The following COMMD1 variants were observed in gnomAD, a reference collection of about 807,000 sequenced individuals.
COMMD1 encodes the protein copper metabolism domain containing 1.
A neutral mutation model predicts 17.2 loss-of-function variants in COMMD1; 10 were observed. The observed-to-expected ratio is 0.58, with a 90% confidence interval of 0.36 to 0.99. COMMD1 has a LOEUF of 0.99. COMMD1 is among the 50% of genes least tolerant of loss of function. The pLI is 0.01. For synonymous variants in COMMD1, 97 were observed against 91.6 expected (o/e 1.06, Z -0.34); for missense variants, 270 against 231.8 (o/e 1.17, Z -1.07).
intron 1 of COMMD1, among the ~76,000 whole-genome samples, chr2:61,924,057 G>A (rs1670261374): frequency 6.6e-6 from 1 of 152,176 alleles, no homozygotes; most frequent in Non-Finnish European, 1.5e-5. Context: ...GATTACAGGT[G>A]TGAGCCACAA....
chr2:62,099,065 T>G (rs11695902), intron 2 of COMMD1, among the ~76,000 whole-genome samples: 1 of 151,942 alleles, frequency 6.6e-6, no homozygotes, highest in African/African-American at 2.4e-5. Context: ...ACTCTATTAT[T>G]TTATCCAGCT....
intron 2 of COMMD1, among the ~76,000 whole-genome samples, chr2:62,088,972 C>G (rs761308506): frequency 6.6e-6 from 1 of 152,136 alleles, no homozygotes; most frequent in African/African-American, 2.4e-5. Flanking sequence ...ATAGGTAAAT[C>G]TAAACATTTT....
At chr2:62,047,744 C>T (rs140974181) in intron 2 of COMMD1, among the ~76,000 whole-genome samples, 95 of 152,214 alleles carry the variant, frequency 6.2e-4, no homozygotes, top group African/African-American at 2.2e-3. Context: ...TGAGCCACTT[C>T]GCCTGGCCGG....
intron 1 of COMMD1, among the ~76,000 whole-genome samples, chr2:61,949,573 T>TGG (rs1201908446): frequency 2.0e-5 from 3 of 152,068 alleles, no homozygotes; most frequent in African/African-American, 7.2e-5. Context: ...CCCAAAGATA[T>TGG]CCAAAGAGAG....
chr2:61,950,999 G>C (rs957884690), intron 1 of COMMD1, among the ~76,000 whole-genome samples: 2 of 152,208 alleles, frequency 1.3e-5, no homozygotes, highest in Non-Finnish European at 2.9e-5. Context: ...ATGGAGGAGA[G>C]GGGTTTAGGG....
chr2:62,059,068 G>A (rs1187001282), intron 2 of COMMD1, among the ~76,000 whole-genome samples: 2 of 152,136 alleles, frequency 1.3e-5, no homozygotes, highest in East Asian at 1.9e-4. Context: ...GTGAGCCACC[G>A]CACCTGGCCA....
chr2:61,896,081 T>C (rs888597032), intron 1 of COMMD1, among the ~76,000 whole-genome samples: 5 of 152,226 alleles, frequency 3.3e-5, no homozygotes, highest in Non-Finnish European at 7.3e-5. Flanking sequence ...AGGTGTTTGT[T>C]GCTTTAAATA....
intron 1 of COMMD1, among the ~76,000 whole-genome samples, chr2:61,938,929 A>G (rs1156715011): frequency 1.3e-5 from 2 of 152,238 alleles, no homozygotes; most frequent in African/African-American, 2.4e-5. Context: ...AAGAAAAATT[A>G]TAATCTGGTA....
intron 1 of COMMD1, among the ~76,000 whole-genome samples, chr2:61,986,201 A>G (rs548325225): frequency 4.6e-5 from 7 of 151,322 alleles, no homozygotes; most frequent in African/African-American, 1.7e-4. Context: ...TGCCAATCTC[A>G]CCTGGCATGA....
chr2:62,081,185 A>G (rs1409405576), intron 2 of COMMD1, among the ~76,000 whole-genome samples: 1 of 152,020 alleles, frequency 6.6e-6, no homozygotes, highest in Non-Finnish European at 1.5e-5. Flanking sequence ...CCAGCAACAT[A>G]TCAGATTTTT....
At chr2:61,965,918 C>T (rs980047776) in intron 1 of COMMD1, among the ~76,000 whole-genome samples, 1 of 152,152 alleles carries the variant, frequency 6.6e-6, no homozygotes, top group African/African-American at 2.4e-5. Context: ...ATTAATGATG[C>T]AAGTTGATTC....
intron 1 of COMMD1, among the ~76,000 whole-genome samples, chr2:61,934,596 T>A (rs1045935706): frequency 3.3e-5 from 5 of 152,086 alleles, no homozygotes; most frequent in Non-Finnish European, 5.9e-5. Flanking sequence ...CAAGTTCAAG[T>A]TATAGAATGA....
chr2:62,135,865 T>G lies in COMMD1; in HGVS notation c.497T>G (p.Val166Gly), dbSNP rs770025311. ...SEFLCLEFDEVKVNQILKTLS... is the reference protein window; with the variant it reads ...SEFLCLEFDEGKVNQILKTLS... ...TTTCTGTGTTTGGAATTTGATGAGG[T>G]CAAAGTCAACCAAATTCTGAAGACG... is the stretch of plus-strand genomic sequence containing the variant. Residue 166 changes from valine (V) to glycine (G), a missense_variant, in exon 3 of 3, where the codon GTC becomes GGC. By Grantham distance (109) the Val-to-Gly change is moderately radical (BLOSUM62 -3). Coordinates refer to ENST00000311832, the MANE Select transcript of COMMD1 (RefSeq NM_152516.4). 1.6e-5 allele frequency: 26 copies of G among 1,597,940 alleles called. No individual in the cohort carries two copies. The highest frequency in any genetic ancestry group is 2.2e-5 in the Non-Finnish European group (26 of 1,165,394).
At chr2:61,924,527 G>T (rs548811653) in intron 1 of COMMD1, among the ~76,000 whole-genome samples, 1 of 152,258 alleles carries the variant, frequency 6.6e-6, no homozygotes, top group African/African-American at 2.4e-5. Context: ...GGCTAGGGCT[G>T]TTGGGGTGAG....
intron 1 of COMMD1, among the ~76,000 whole-genome samples, chr2:61,996,489 C>T (rs1668759198): frequency 6.6e-6 from 1 of 152,062 alleles, no homozygotes; most frequent in African/African-American, 2.4e-5. Flanking sequence ...CGTGGACTCT[C>T]CCTTTCATGA....
intron 1 of COMMD1, among the ~76,000 whole-genome samples, chr2:61,891,836 A>G (rs1397229116): frequency 6.6e-6 from 1 of 151,442 alleles, no homozygotes; most frequent in Non-Finnish European, 1.5e-5. Context: ...TTTTTTATTT[A>G]TTTATTTATT....
At chr2:61,954,763 C>A (rs1400895488) in intron 1 of COMMD1, among the ~76,000 whole-genome samples, 1 of 152,050 alleles carries the variant, frequency 6.6e-6, no homozygotes, top group African/African-American at 2.4e-5. Context: ...CTCATTGCAG[C>A]CTCCACCTTC....
At chr2:61,945,889 G>T (rs1670892593) in intron 1 of COMMD1, among the ~76,000 whole-genome samples, 1 of 152,196 alleles carries the variant, frequency 6.6e-6, no homozygotes, top group Non-Finnish European at 1.5e-5. Flanking sequence ...GTTTTATGCT[G>T]CAGATTAAAC....
chr2:61,895,234 C>T (rs571029388), intron 1 of COMMD1, among the ~76,000 whole-genome samples: 2 of 152,198 alleles, frequency 1.3e-5, no homozygotes, highest in Admixed American at 6.5e-5. Flanking sequence ...TGTCTCCCCA[C>T]AGCGACAATA....
Sources: allele counts gnomAD v4.1 joint callset (sites outside exome capture counted in the v4.1 genomes callset), GRCh38; gene constraint gnomAD v4.1.1; transcripts MANE v1.5; gene names NCBI Gene and HGNC (gene_info 2026-07-23, HGNC 2026-07-21).